OTOGL: variants seen among roughly 807,000 people sequenced by gnomAD.
OTOGL encodes the protein otogelin-like protein.
OTOGL carries 285 observed loss-of-function variants against 318.5 expected under a neutral mutation model. The ratio of observed to expected loss-of-function variants is 0.89; its 90% CI spans 0.81 to 0.99. OTOGL has a LOEUF of 0.99. Ranked by LOEUF, OTOGL falls within the 50% of genes least tolerant of loss-of-function variation. The probability of loss-of-function intolerance (pLI) is 0.00; values close to 1 mark genes in which losing one functional copy is unlikely to be tolerated. For missense variants in OTOGL, 2,899 were observed against 2,845.6 expected (o/e 1.02, Z -0.43); for synonymous variants, 987 against 936.5 (o/e 1.05, Z -0.99).
intron 32 of OTOGL, among the ~76,000 whole-genome samples, chr12:80,317,191 A>C (rs923903619): frequency 6.6e-6 from 1 of 152,182 alleles, no homozygotes; most frequent in African/African-American, 2.4e-5. Flanking sequence ...TTTTAAGTTC[A>C]GGGTAATTTT....
chr12:80,187,977 G>A (rs919954420), intron 1 of OTOGL, among the ~76,000 whole-genome samples: 7 of 152,160 alleles, frequency 4.6e-5, no homozygotes, highest in African/African-American at 1.7e-4. Flanking sequence ...TTGGATTACT[G>A]CCATGTGCTC....
chr12:80,272,851 C>T (rs755818629), intron 24 of OTOGL, among the ~76,000 whole-genome samples: 5 of 151,990 alleles, frequency 3.3e-5, no homozygotes, highest in Non-Finnish European at 4.4e-5. Flanking sequence ...AGAACAAGTG[C>T]CTGTGGCTGG....
At chr12:80,292,168 A>G (rs1166227440) in intron 26 of OTOGL, among the ~76,000 whole-genome samples, 1 of 152,010 alleles carries the variant, frequency 6.6e-6, no homozygotes, top group East Asian at 1.9e-4. Flanking sequence ...TTGTATTTTT[A>G]GTAGAGACGG....
intron 1 of OTOGL, among the ~76,000 whole-genome samples, chr12:80,204,673 T>C (rs917471937): frequency 5.9e-5 from 9 of 152,048 alleles, no homozygotes; most frequent in African/African-American, 2.2e-4. Flanking sequence ...TATAAAGTAC[T>C]TGGAAGTACG....
intron 22 of OTOGL, 45 bp from the exon 23 acceptor site, chr12:80,270,057 A>C (rs776009345): frequency 8.9e-5 from 126 of 1,417,278 alleles, no homozygotes; most frequent in East Asian, 5.8e-4. Flanking sequence ...AAAAAAAAAA[A>C]ACAACAGATT....
intron 37 of OTOGL, among the ~76,000 whole-genome samples, chr12:80,331,592 G>A (rs1422242851): frequency 3.3e-5 from 5 of 151,750 alleles, no homozygotes; most frequent in Non-Finnish European, 7.4e-5. Flanking sequence ...TTCTCTCCTC[G>A]GCCTCCCAAA....
intron 26 of OTOGL, among the ~76,000 whole-genome samples, chr12:80,285,362 C>T (rs1884535927): frequency 6.6e-6 from 1 of 152,030 alleles, no homozygotes; most frequent in Non-Finnish European, 1.5e-5. Context: ...GCTATATGGG[C>T]TCTTTTTTGA....
chr12:80,292,171 A>G (rs112084830), intron 26 of OTOGL, among the ~76,000 whole-genome samples: 232 of 152,158 alleles, frequency 1.5e-3, no homozygotes, highest in African/African-American at 5.1e-3. Context: ...TATTTTTAGT[A>G]GAGACGGGGT....
At chr12:80,238,665 A>T (rs1880082757) in intron 9 of OTOGL, among the ~76,000 whole-genome samples, 186 bp from the exon 10 acceptor site, 2 of 152,196 alleles carry the variant, frequency 1.3e-5, no homozygotes, top group South Asian at 4.1e-4. Context: ...TGGTACCCAC[A>T]TTTTGTTCAA....
In OTOGL at chr12:80,356,891, C is replaced by A; in HGVS notation, c.5996C>A (p.Pro1999His). 6.3e-7 allele frequency: 1 copy of A among 1,590,082 alleles called. No homozygotes were observed. Among genetic ancestry groups the A allele is most frequent in the Admixed American group, 1.8e-5 (1 of 56,882 alleles). ...ATGATTCAAGTTCGACAGGAAGAAC[C>A]TTGTTGTTTTTCCCCTTTTTGTGGT... ...QFMIQVRQEE[P>H]CCFSPFCVCE... Residue 1999 changes from proline (P) to histidine (H), a missense_variant, in exon 49 of 59, where the codon CCT (proline) becomes CAT (histidine). Coordinates refer to ENST00000547103, the MANE Select transcript of OTOGL (RefSeq NM_001378609.3).
In OTOGL at chr12:80,251,752, A is replaced by G. The variant is rs756570477; in HGVS notation, c.1112A>G (p.His371Arg). Residue 371 changes from histidine to arginine, a missense_variant, in exon 12 of 59, where the codon CAT (histidine) becomes CGT (arginine). Around this residue, in one of 3 missense-constraint regions of OTOGL, gnomAD observed 2,607 missense variants for 2,524.9 expected, o/e 1.03. Coordinates refer to ENST00000547103, the MANE Select transcript of OTOGL (RefSeq NM_001378609.3). ...ACTGAGTATGCTAGAGCCTGCTCTC[A>G]TGCTGGCTACCCTATTCAAGACTGG... Reference protein sequence around the residue: ...AATEYARACSHAGYPIQDWRD... With the variant: ...AATEYARACSRAGYPIQDWRD... 6 of 1,593,526 alleles carry G rather than the reference A, an allele frequency of 3.8e-6. No homozygotes were observed. Among genetic ancestry groups the G allele is most frequent in the Non-Finnish European group, 5.1e-6 (6 of 1,169,090 alleles).
intron 49 of OTOGL, among the ~76,000 whole-genome samples, chr12:80,357,161 CT>C (rs1219110175): frequency 6.6e-6 from 1 of 152,126 alleles, no homozygotes; most frequent in Non-Finnish European, 1.5e-5. Flanking sequence ...TTAAATCAAG[CT>C]TTTTAAATAA....
intron 1 of OTOGL, among the ~76,000 whole-genome samples, chr12:80,129,669 C>T (rs1035146920): frequency 2.6e-5 from 4 of 152,166 alleles, no homozygotes; most frequent in African/African-American, 9.6e-5. Flanking sequence ...TTTGTTACCT[C>T]TGTTTCTTCA....
chr12:80,159,066 C>T (rs1188769652), intron 1 of OTOGL, among the ~76,000 whole-genome samples: 3 of 152,002 alleles, frequency 2.0e-5, no homozygotes, highest in South Asian at 2.1e-4. Flanking sequence ...TTGTCAAATG[C>T]TTTTTCTGTG....
intron 1 of OTOGL, among the ~76,000 whole-genome samples, chr12:80,163,113 GA>G (rs1873626433): frequency 6.6e-6 from 1 of 152,006 alleles, no homozygotes; most frequent in South Asian, 2.1e-4. Flanking sequence ...AATTCCAGGA[GA>G]GTTTTTATTT....
At chr12:80,251,823 C>A in intron 12 of OTOGL, 24 bp downstream of exon 12, 1 of 1,542,222 alleles carries the variant, frequency 6.5e-7, no homozygotes, top group South Asian at 1.2e-5. Context: ...TTTTCCAAGC[C>A]CTGTGTACTT....
intron 1 of OTOGL, among the ~76,000 whole-genome samples, chr12:80,150,748 A>G (rs758815456): frequency 5.9e-5 from 9 of 152,152 alleles, no homozygotes; most frequent in Non-Finnish European, 1.3e-4. Context: ...TCCACCCATA[A>G]CTGTTTTATA....
chr12:80,151,791 G>A (rs765549689), intron 1 of OTOGL, among the ~76,000 whole-genome samples: 1 of 152,190 alleles, frequency 6.6e-6, no homozygotes, highest in South Asian at 2.1e-4. Flanking sequence ...TAATGTCACT[G>A]TGAACGTGAA....
In OTOGL at chr12:80,238,937, G is replaced by T. The variant is rs774195002; in HGVS notation, c.904G>T (p.Asp302Tyr). ...CACCAAATGTGTACTCACACCCTCAGATTTTCCAAATCCGTGCTCCAGTGG... is the reference window on the plus strand; with the variant it reads ...CACCAAATGTGTACTCACACCCTCATATTTTCCAAATCCGTGCTCCAGTGG... ...DDTKCVLTPS[D>Y]FPNPCSSGMP... Residue 302 changes from aspartate (D) to tyrosine (Y), a missense_variant, in exon 10 of 59, where the codon GAT becomes TAT. This residue lies in a region of OTOGL where 2,607 missense variants were observed against 2,524.9 expected (regional missense o/e 1.03). Transcript: ENST00000547103. 3 of 1,596,900 alleles carry T rather than the reference G, an allele frequency of 1.9e-6. No individual in the cohort carries two copies. Among genetic ancestry groups the T allele is most frequent in the Non-Finnish European group, 2.5e-6 (3 of 1,178,772 alleles).
Sources: gnomAD v4.1 joint callset for allele counts (sites outside exome capture counted in the v4.1 genomes callset) on GRCh38, gnomAD v4.1.1 for gene constraint, gnomAD v4.1.1 regional missense constraint, MANE v1.5 for transcripts, NCBI Gene and HGNC (gene_info 2026-07-23, HGNC 2026-07-21) for gene names.